UNC5C: variants seen among roughly 807,000 people sequenced by gnomAD.
UNC5C encodes the protein unc-5 netrin receptor C.
In UNC5C, 47 loss-of-function variants were observed where a neutral mutation model predicts 99.8. That is an observed-to-expected ratio of 0.47 (90% confidence interval 0.37 to 0.60). UNC5C has a LOEUF of 0.60. Among genes scored for constraint, UNC5C ranks in the 20% least tolerant of loss-of-function variants. The pLI is 0.00. For missense variants in UNC5C, 1,062 were observed against 1,165.9 expected, an observed-to-expected ratio of 0.91 and a Z score of 1.30; for synonymous variants, 487 against 452.2, an observed-to-expected ratio of 1.08 and a Z score of -0.98.
intron 1 of UNC5C, among the ~76,000 whole-genome samples, chr4:95,341,532 A>G (rs1560794879): frequency 7.1e-6 from 1 of 141,116 alleles, no homozygotes; most frequent in Non-Finnish European, 1.6e-5. Flanking sequence ...AAAGAAAAAA[A>G]GAAAAGAAAA....
chr4:95,298,576 A>C (rs930718732), intron 3 of UNC5C, among the ~76,000 whole-genome samples: 1 of 152,076 alleles, frequency 6.6e-6, no homozygotes, highest in African/African-American at 2.4e-5. Context: ...GGTCTTCGCA[A>C]CTGTCAACTT....
intron 7 of UNC5C, among the ~76,000 whole-genome samples, chr4:95,241,382 G>T (rs922762657): frequency 6.6e-6 from 1 of 152,144 alleles, no homozygotes; most frequent in African/African-American, 2.4e-5. Flanking sequence ...TTGTTTATTT[G>T]TATTTTAAGT....
chr4:95,303,452 G>T (rs1560777629), intron 2 of UNC5C, among the ~76,000 whole-genome samples: 1 of 152,120 alleles, frequency 6.6e-6, no homozygotes, highest in Non-Finnish European at 1.5e-5. Flanking sequence ...AAGGCAGGCG[G>T]ATCACTTGAG....
chr4:95,498,899 CTG>C (rs1256647769), intron 1 of UNC5C, among the ~76,000 whole-genome samples: 1 of 152,078 alleles, frequency 6.6e-6, no homozygotes, highest in Admixed American at 6.6e-5. Flanking sequence ...AACAAATCTA[CTG>C]TCTTATTAAA....
At chr4:95,287,385 T>C (rs943705334) in intron 3 of UNC5C, among the ~76,000 whole-genome samples, 5 of 152,198 alleles carry the variant, frequency 3.3e-5, no homozygotes, top group African/African-American at 1.2e-4. Flanking sequence ...CTGTAATTCT[T>C]GATGATTACT....
chr4:95,405,153 G>A (rs974640195), intron 1 of UNC5C, among the ~76,000 whole-genome samples: 2 of 152,156 alleles, frequency 1.3e-5, no homozygotes, highest in African/African-American at 4.8e-5. Flanking sequence ...AAGGCAGAGC[G>A]TCCATTGAGC....
At chr4:95,518,117 C>T (rs1722261607) in intron 1 of UNC5C, among the ~76,000 whole-genome samples, 1 of 152,112 alleles carries the variant, frequency 6.6e-6, no homozygotes, top group Non-Finnish European at 1.5e-5. Flanking sequence ...TGTCCAAGAA[C>T]TAATAAAGCA....
chr4:95,477,409 T>C (rs1412808113), intron 1 of UNC5C, among the ~76,000 whole-genome samples: 2 of 151,912 alleles, frequency 1.3e-5, no homozygotes, highest in Admixed American at 1.3e-4. Context: ...TAAGAAAAAA[T>C]GTCAGCCTAA....
chr4:95,269,883 T>G (rs1189046392), intron 4 of UNC5C, among the ~76,000 whole-genome samples: 2 of 152,034 alleles, frequency 1.3e-5, no homozygotes, highest in Non-Finnish European at 2.9e-5. Context: ...CGGCTAATTT[T>G]GTATTTTTTT....
In UNC5C at chr4:95,366,882, T is replaced by C. The variant is rs140601610; in HGVS notation, c.125-31251A>G. Reference sequence around the variant, plus strand: ...CAAAACTTTTCTGTTTTTGCCCAAGTATAATTTGCAATGCCATCAGGCTTG... The same window carrying C: ...CAAAACTTTTCTGTTTTTGCCCAAGCATAATTTGCAATGCCATCAGGCTTG... On this transcript the variant is annotated intron_variant, in intron 1 of 15. Coordinates refer to ENST00000453304, the MANE Select transcript of UNC5C (RefSeq NM_003728.4). Among the ~76,000 whole-genome samples the C allele has an allele frequency of 7.2e-4, 109 of 152,302 alleles. 1 individual carries two copies. The South Asian group carries it at 8.9e-3, about 12-fold the overall frequency.
intron 4 of UNC5C, among the ~76,000 whole-genome samples, chr4:95,270,422 T>TA (rs35049003): frequency 0.41 from 62,424 of 152,042 alleles, 14,386 homozygotes; most frequent in Middle Eastern, 0.54. Context: ...TAGACAATGG[T>TA]AAAAAATATA....
At chr4:95,234,316 T>G (rs1211668450) in intron 7 of UNC5C, among the ~76,000 whole-genome samples, 2 of 152,180 alleles carry the variant, frequency 1.3e-5, no homozygotes, top group African/African-American at 4.8e-5. Flanking sequence ...TAATGTTAAG[T>G]TTTTTTAGAT....
rs901287157 is a variant in UNC5C, at chr4:95,502,560, C to T, written c.124+46174G>A. Reference sequence around the variant, plus strand: ...AGTGTTGAGATTATAGGGGTGTGCTCGGCCAACATTTTTTGACTTATATGG... The same window carrying T: ...AGTGTTGAGATTATAGGGGTGTGCTTGGCCAACATTTTTTGACTTATATGG... On this transcript the variant is annotated intron_variant, in intron 1 of 15. Coordinates refer to ENST00000453304, the MANE Select transcript of UNC5C (RefSeq NM_003728.4). Among the ~76,000 whole-genome samples the T allele has an allele frequency of 3.1e-4, 47 of 152,082 alleles. 1 individual carries two copies. The highest frequency in any genetic ancestry group is 2.9e-4 in the African/African-American group (12 of 41,436).
intron 12 of UNC5C, among the ~76,000 whole-genome samples, chr4:95,200,610 T>C (rs943453422): frequency 6.6e-6 from 1 of 152,244 alleles, no homozygotes; most frequent in African/African-American, 2.4e-5. Flanking sequence ...TTGCCAAAAA[T>C]ATAGAAGCTC....
intron 1 of UNC5C, among the ~76,000 whole-genome samples, chr4:95,445,767 C>T (rs974033766): frequency 6.6e-6 from 1 of 152,018 alleles, no homozygotes; most frequent in East Asian, 1.9e-4. Context: ...AAATGTAGAT[C>T]GAGTGGAGTC....
intron 7 of UNC5C, among the ~76,000 whole-genome samples, chr4:95,224,885 T>C (rs1231962476): frequency 6.6e-6 from 1 of 150,666 alleles, no homozygotes; most frequent in East Asian, 2.0e-4. Flanking sequence ...AAATTTGACC[T>C]GGAGCTTGAA....
intron 3 of UNC5C, among the ~76,000 whole-genome samples, chr4:95,289,360 C>T (rs567508482): frequency 1.1e-4 from 17 of 152,332 alleles, no homozygotes; most frequent in African/African-American, 4.1e-4. Context: ...AAAAGGCCCT[C>T]GATCTGTGGA....
In UNC5C at chr4:95,246,507, C is replaced by T. The variant is rs1355565957; in HGVS notation, c.776-1363G>A. The stretch of plus-strand genomic sequence containing the variant: ...GCCCAGGAGTAGAGGCTGCAGTGAG[C>T]TATGATCACATCACTACACTCCAGC... On this transcript the variant is annotated intron_variant, in intron 5 of 15. Coordinates refer to ENST00000453304, the MANE Select transcript of UNC5C (RefSeq NM_003728.4). Among the ~76,000 whole-genome samples the T allele has an allele frequency of 2.6e-5, 4 of 152,074 alleles. No individual in the cohort carries two copies. In the South Asian group the frequency reaches 6.2e-4, roughly 24 times the overall value.
intron 1 of UNC5C, among the ~76,000 whole-genome samples, chr4:95,482,775 C>T (rs1259130980): frequency 1.3e-4 from 16 of 119,912 alleles, no homozygotes; most frequent in Middle Eastern, 3.4e-3. Context: ...AACCAAACAC[C>T]GCGTGTTCTC....
Sources: allele counts gnomAD v4.1 joint callset (sites outside exome capture counted in the v4.1 genomes callset), GRCh38; gene constraint gnomAD v4.1.1; transcripts MANE v1.5; gene names NCBI Gene and HGNC (gene_info 2026-07-23, HGNC 2026-07-21).